RUBCN: variants seen among roughly 807,000 people sequenced by gnomAD.
RUBCN encodes the protein rubicon autophagy regulator.
A neutral mutation model predicts 113.2 loss-of-function variants in RUBCN; 74 were observed. The ratio of observed to expected loss-of-function variants is 0.65; its 90% CI spans 0.54 to 0.79. The LOEUF (loss-of-function observed/expected upper bound fraction) is 0.79. Ranked by LOEUF, RUBCN falls within the 30% of genes least tolerant of loss-of-function variation. RUBCN has a pLI of 0.00. For synonymous variants in RUBCN, 480 were observed against 490.0 expected, an observed-to-expected ratio of 0.98 and a Z score of 0.27; for missense variants, 1,109 against 1,251.7, an observed-to-expected ratio of 0.89 and a Z score of 1.72.
At position 197,671,353 on chromosome 3, in the gene RUBCN, G is replaced by A. The variant is rs567766785; in HGVS notation, c.*3665C>T. 2.0e-5 allele frequency: 3 copies of A among 152,252 alleles called. No homozygotes were observed. Among genetic ancestry groups the A allele is most frequent in the Admixed American group, 6.5e-5 (1 of 15,286 alleles). 9.4% of individuals were successfully genotyped at this position (152,252 alleles called of 1,614,324 possible). A position where few individuals can be genotyped will look rare whatever the true frequency, so the allele number is the denominator to read the frequency against. On this transcript the variant is annotated 3_prime_UTR_variant, in exon 20 of 20. Transcript: ENST00000296343. ...TGCTTCTAATCATTGTTCCACTGAGGCGCAGGGAGGAAAATAATGTATGAT... is the reference window on the plus strand; with the variant it reads ...TGCTTCTAATCATTGTTCCACTGAGACGCAGGGAGGAAAATAATGTATGAT...
chr3:197,726,652 G>A (rs1726793716), intron 1 of RUBCN, among the ~76,000 whole-genome samples: 1 of 151,636 alleles, frequency 6.6e-6, no homozygotes, highest in South Asian at 2.1e-4. Context: ...CGATTCTCCT[G>A]CCTCAGCCTC....
At chr3:197,686,596 T>C (rs1357350107) in intron 11 of RUBCN, among the ~76,000 whole-genome samples, 1 of 152,214 alleles carries the variant, frequency 6.6e-6, no homozygotes, top group Non-Finnish European at 1.5e-5. Flanking sequence ...GGTGAAACCC[T>C]ACTGAAGATC....
At chr3:197,719,676 C>G (rs1725931401) in intron 1 of RUBCN, among the ~76,000 whole-genome samples, 1 of 152,028 alleles carries the variant, frequency 6.6e-6, no homozygotes, top group African/African-American at 2.4e-5. Flanking sequence ...CCCTAAGGTG[C>G]CAAAGCTACA....
intron 1 of RUBCN, among the ~76,000 whole-genome samples, chr3:197,734,283 T>C (rs1476989384): frequency 1.3e-5 from 2 of 148,422 alleles, no homozygotes; most frequent in African/African-American, 5.0e-5. Flanking sequence ...AAGTGCAGTC[T>C]CTTGGGCCGG....
At chr3:197,704,984 G>T in intron 3 of RUBCN, 108 bp downstream of exon 3, 2 of 860,170 alleles carry the variant, frequency 2.3e-6, no homozygotes, top group Non-Finnish European at 1.9e-6. Context: ...CAGCTGATAG[G>T]CAACTGGACA....
chr3:197,680,972 A>G (rs916305486), intron 16 of RUBCN, among the ~76,000 whole-genome samples, 157 bp downstream of exon 16: 2 of 142,854 alleles, frequency 1.4e-5, no homozygotes, highest in South Asian at 2.5e-4. Context: ...GAAGCCCTAT[A>G]TAACCAGGGG....
At chr3:197,723,959 G>A (rs1726450276) in intron 1 of RUBCN, among the ~76,000 whole-genome samples, 1 of 152,140 alleles carries the variant, frequency 6.6e-6, no homozygotes, top group Non-Finnish European at 1.5e-5. Flanking sequence ...TTAGCCAGGC[G>A]TGGTGGCACA....
At chr3:197,712,259 G>C (rs1480535316) in intron 2 of RUBCN, among the ~76,000 whole-genome samples, 3 of 152,106 alleles carry the variant, frequency 2.0e-5, no homozygotes, top group Admixed American at 6.6e-5. Context: ...TAAAAAGGTA[G>C]CCCAGATGCA....
chr3:197,736,869 G>A lies in RUBCN; in HGVS notation c.-150C>T, dbSNP rs560602105. 1 of 1,376,246 alleles carries A rather than the reference G, an allele frequency of 7.3e-7. No homozygotes were observed. The highest frequency in any genetic ancestry group is 9.3e-7 in the Non-Finnish European group (1 of 1,072,506). The allele number at this position is 1,376,246 out of a possible 1,614,324, so 85.3% of individuals were successfully genotyped here. On this transcript the variant is annotated 5_prime_UTR_variant, in exon 1 of 20. Coordinates refer to ENST00000296343, the MANE Select transcript of RUBCN (RefSeq NM_014687.4). ...ACACCCGGGCGGCGACAGCGGGAGG[G>A]ACCGCCGCCTGGGCTGCGGCTTCTA...
At chr3:197,749,525 C>T (rs1483543416) in exon 1 of RUBCN, 6 of 1,290,416 alleles carry the variant, frequency 4.6e-6, no homozygotes, top group Non-Finnish European at 6.1e-6. Context: ...GTCTGTCCTG[C>T]CTCCCGAGGC....
chr3:197,683,382 C>T lies in RUBCN; in HGVS notation c.1905G>A (p.Lys635=), dbSNP rs752331965. 7 of 1,614,196 alleles carry T rather than the reference C, an allele frequency of 4.3e-6. No homozygotes were observed. The highest frequency in any genetic ancestry group is 5.9e-6 in the Non-Finnish European group (7 of 1,180,030). ...SAEAVAMGLL[K]QFEGMQLPAA... is the part of the protein sequence containing the mutation. ...CTGGAAGCTGCATCCCCTCAAACTG[C>T]TTCAGGAGCCCCATGGCCACCGCCT... Residue 635 remains lysine (K), a synonymous_variant, in exon 13 of 20, where the codon AAG becomes AAA. Transcript: ENST00000296343. This position sits in a 1 kb window ranked among gnomAD's most constrained non-coding sequence, Gnocchi z 4.6.
In RUBCN at chr3:197,681,886, C is replaced by A. The variant is rs556887437; in HGVS notation, c.2140G>T (p.Val714Leu). Residue 714 changes from valine to leucine, a missense_variant, in exon 15 of 20, where the codon GTG becomes TTG. Physicochemically the swap from Val to Leu is conservative, Grantham distance 32 (BLOSUM62 1). Coordinates refer to ENST00000296343, the MANE Select transcript of RUBCN (RefSeq NM_014687.4). This position sits in a 1 kb window ranked among gnomAD's most constrained non-coding sequence, Gnocchi z 5.5. ...VHPAPTRKIA[V>L]AKQNYRCAGC... is the part of the protein sequence containing the mutation. The stretch of plus-strand genomic sequence containing the variant: ...GCACAGCGGTAATTCTGCTTGGCCA[C>A]GGCAATTTTCCTCCTGAGGAAGGGT... 8 of 1,613,830 alleles carry A rather than the reference C, an allele frequency of 5.0e-6. No homozygotes were observed. In the Middle Eastern group the frequency reaches 5.0e-4, roughly 100 times the overall value.
At position 197,681,063 on chromosome 3, in the gene RUBCN, G is replaced by C; in HGVS notation, c.2430+66C>G. On this transcript the variant is annotated intron_variant, in intron 16 of 19. Coordinates refer to ENST00000296343, the MANE Select transcript of RUBCN (RefSeq NM_014687.4). The surrounding 1 kb of genome is among the most constrained non-coding windows in gnomAD (Gnocchi z 5.5). The stretch of plus-strand genomic sequence containing the variant: ...GGATGGGGGGAGGGGACGGGGGAGG[G>C]ACGAGGGGAGGGGATGAGGGGAGGA... 2 of 823,340 alleles carry C rather than the reference G, an allele frequency of 2.4e-6. No homozygotes were observed. The highest frequency in any genetic ancestry group is 3.9e-6 in the Non-Finnish European group (2 of 516,142). 51.0% of individuals were successfully genotyped at this position (823,340 alleles called of 1,614,324 possible).
Position 197,683,239 on chromosome 3 carries a change from G to T in RUBCN, c.1980+68C>A. 6.3e-7 allele frequency: 1 copy of T among 1,598,642 alleles called. No homozygotes were observed. Among genetic ancestry groups the T allele is most frequent in the Non-Finnish European group, 8.6e-7 (1 of 1,166,018 alleles). On this transcript the variant is annotated intron_variant, in intron 13 of 19. Coordinates refer to ENST00000296343, the MANE Select transcript of RUBCN (RefSeq NM_014687.4). The surrounding 1 kb of genome is among the most constrained non-coding windows in gnomAD (Gnocchi z 4.6). Reference sequence around the variant, plus strand: ...GGCTCATTCCAGACTAGGGACATGTGACGAAGGAAAACAAGGTCACAGAGG... The same window carrying T: ...GGCTCATTCCAGACTAGGGACATGTTACGAAGGAAAACAAGGTCACAGAGG...
chr3:197,707,145 C>T (rs1486340622), intron 2 of RUBCN, among the ~76,000 whole-genome samples: 22 of 142,782 alleles, frequency 1.5e-4, no homozygotes, highest in African/African-American at 6.7e-4. Flanking sequence ...AGGTCAAGAC[C>T]ACAGTGAAAC....
chr3:197,736,612 G>A (rs1728159230), intron 1 of RUBCN, 43 bp downstream of exon 1: 3 of 1,527,402 alleles, frequency 2.0e-6, no homozygotes, highest in Admixed American at 2.0e-5. Flanking sequence ...CCGGGGCTCC[G>A]GCGCCTGTCG....
chr3:197,748,722 G>C (rs1728868239), intron 1 of RUBCN, among the ~76,000 whole-genome samples: 1 of 152,228 alleles, frequency 6.6e-6, no homozygotes, highest in Non-Finnish European at 1.5e-5. Flanking sequence ...TTCAGGCCTG[G>C]AAAGGGGAGC....
Position 197,705,160 on chromosome 3 carries a change from T to G in RUBCN, c.235A>C (p.Thr79Pro). ...LIRDQACRRQ[T>P]DYWQFVKDIR... ...TCTTTCACGAACTGCCAGTAATCCGTCTGGCGGCGGCACGCCTGCAAAGGG... is the reference window on the plus strand; with the variant it reads ...TCTTTCACGAACTGCCAGTAATCCGGCTGGCGGCGGCACGCCTGCAAAGGG... The change falls in exon 3 of 20, where the codon ACG becomes CCG. Residue 79 changes from threonine (T) to proline (P), a missense_variant. Thr to Pro is a conservative substitution (Grantham distance 38, BLOSUM62 -1). Transcript: ENST00000296343. 6.2e-7 allele frequency: 1 copy of G among 1,614,084 alleles called. No individual in the cohort carries two copies. The highest frequency in any genetic ancestry group is 8.5e-7 in the Non-Finnish European group (1 of 1,179,950).
chr3:197,749,710 T>G, upstream of RUBCN: 2 of 633,760 alleles, frequency 3.2e-6, no homozygotes, highest in East Asian at 7.4e-5. Context: ...ACAACGGCGG[T>G]CCTCGCGAGC....
Sources: gnomAD v4.1 joint callset for allele counts (sites outside exome capture counted in the v4.1 genomes callset) on GRCh38, gnomAD v4.1.1 for gene constraint, Gnocchi (gnomAD v3.1) non-coding constraint, MANE v1.5 for transcripts, NCBI Gene and HGNC (gene_info 2026-07-23, HGNC 2026-07-21) for gene names.